IQCJ: variants seen among roughly 807,000 people sequenced by gnomAD.
The protein encoded by IQCJ is IQ motif containing J, also known as IQ domain-containing protein J.
Under a neutral mutation model 11.0 loss-of-function variants are expected in IQCJ, and 9 were observed. The ratio of observed to expected loss-of-function variants is 0.82; its 90% CI spans 0.49 to 1.43. IQCJ has a LOEUF of 1.43. Ranked by LOEUF, IQCJ falls within the 40% of genes most tolerant of loss-of-function variation. The pLI is 0.00. For synonymous variants in IQCJ, 55 were observed against 51.3 expected (o/e 1.07, Z -0.31); for missense variants, 146 against 133.2 (o/e 1.10, Z -0.47).
intron 1 of IQCJ, among the ~76,000 whole-genome samples, chr3:159,168,152 A>G (rs1301919345): frequency 6.6e-6 from 1 of 152,160 alleles, no homozygotes; most frequent in Non-Finnish European, 1.5e-5. Flanking sequence ...GTTTCAAAGT[A>G]CATCTGCAGA....
chr3:159,228,618 C>T (rs1726002419), intron 1 of IQCJ, among the ~76,000 whole-genome samples: 1 of 151,990 alleles, frequency 6.6e-6, no homozygotes, highest in South Asian at 2.1e-4. Flanking sequence ...GGTGAAACCT[C>T]GTCTCTACTA....
chr3:159,185,739 G>A (rs894659692), intron 1 of IQCJ, among the ~76,000 whole-genome samples: 1 of 152,198 alleles, frequency 6.6e-6, no homozygotes, highest in Middle Eastern at 3.4e-3. Context: ...TTCACTTGCT[G>A]GGGTGCTTCA....
chr3:159,163,658 C>A (rs1413378567), intron 1 of IQCJ, among the ~76,000 whole-genome samples: 1 of 152,196 alleles, frequency 6.6e-6, no homozygotes, highest in African/African-American at 2.4e-5. Flanking sequence ...AGCCACCATG[C>A]CCAGCCTCAT....
At chr3:159,144,640 GTACACACACA>G (rs200800340) in intron 1 of IQCJ, among the ~76,000 whole-genome samples, 4,579 of 124,640 alleles carry the variant, frequency 0.037, 308 homozygotes, top group East Asian at 0.29. Flanking sequence ...CTATCTAGAC[GTACACACACA>G]TACACACACA....
At chr3:159,125,412 A>G (rs750825060) in intron 1 of IQCJ, among the ~76,000 whole-genome samples, 1 of 152,206 alleles carries the variant, frequency 6.6e-6, no homozygotes, top group African/African-American at 2.4e-5. Context: ...AATGGACTTT[A>G]GGTAAAGACT....
chr3:159,234,719 T>A (rs948494717), intron 1 of IQCJ, among the ~76,000 whole-genome samples: 7 of 152,176 alleles, frequency 4.6e-5, no homozygotes, highest in African/African-American at 1.7e-4. Flanking sequence ...GAGAGAAGAA[T>A]CAAGGCCCTG....
intron 1 of IQCJ, among the ~76,000 whole-genome samples, chr3:159,149,286 G>A (rs966057832): frequency 2.6e-5 from 4 of 152,072 alleles, no homozygotes; most frequent in African/African-American, 4.8e-5. Context: ...TAAAAGGAAC[G>A]GCAGACTCCG....
intron 1 of IQCJ, among the ~76,000 whole-genome samples, chr3:159,209,756 G>C (rs924715655): frequency 4.6e-5 from 7 of 152,082 alleles, no homozygotes; most frequent in African/African-American, 1.4e-4. Flanking sequence ...AGCAAAACAA[G>C]CCACCTCTGT....
intron 1 of IQCJ, among the ~76,000 whole-genome samples, chr3:159,106,402 G>A (rs1254020500): frequency 6.6e-6 from 1 of 152,090 alleles, no homozygotes; most frequent in East Asian, 1.9e-4. Context: ...AGGAGTGAGG[G>A]AAGCTAGAGA....
chr3:159,142,757 G>A (rs762580768), intron 1 of IQCJ, among the ~76,000 whole-genome samples: 64 of 151,870 alleles, frequency 4.2e-4, no homozygotes, highest in Non-Finnish European at 6.5e-4. Flanking sequence ...TTTTATTTTT[G>A]GAACGTAATG....
chr3:159,214,501 A>T (rs1362095935), intron 1 of IQCJ, among the ~76,000 whole-genome samples: 2 of 152,174 alleles, frequency 1.3e-5, no homozygotes, highest in Non-Finnish European at 2.9e-5. Flanking sequence ...TTTCTAATCA[A>T]ATGAATGTTT....
At chr3:159,261,865 G>C (rs1475985726) in intron 3 of IQCJ, among the ~76,000 whole-genome samples, 1 of 152,230 alleles carries the variant, frequency 6.6e-6, no homozygotes, top group African/African-American at 2.4e-5. Context: ...TTAATTCTCT[G>C]AGTAGTACGT....
chr3:159,163,909 C>CAGGCAGAG (rs201640345), intron 1 of IQCJ, among the ~76,000 whole-genome samples: 2,763 of 152,228 alleles, frequency 0.018, 39 homozygotes, highest in Non-Finnish European at 0.03. Flanking sequence ...ATATGTGTAC[C>CAGGCAGAG]AGGCAGAGAG....
chr3:159,120,171 C>G (rs928578207), intron 1 of IQCJ, among the ~76,000 whole-genome samples: 25 of 152,138 alleles, frequency 1.6e-4, no homozygotes, highest in Non-Finnish European at 4.4e-5. Flanking sequence ...ATGCATACCC[C>G]CAGCAGTGCT....
intron 1 of IQCJ, among the ~76,000 whole-genome samples, chr3:159,186,111 G>T (rs915869487): frequency 6.6e-6 from 1 of 152,164 alleles, no homozygotes; most frequent in African/African-American, 2.4e-5. Context: ...AGGGGAGAGA[G>T]ACAATAAACA....
intron 1 of IQCJ, among the ~76,000 whole-genome samples, chr3:159,225,977 T>C (rs1725833536): frequency 6.6e-6 from 1 of 152,150 alleles, no homozygotes; most frequent in Non-Finnish European, 1.5e-5. Flanking sequence ...TGGTTTGCTA[T>C]AAAGAACACA....
At chr3:159,195,319 G>A (rs1560021260) in intron 1 of IQCJ, among the ~76,000 whole-genome samples, 1 of 152,162 alleles carries the variant, frequency 6.6e-6, no homozygotes, top group Non-Finnish European at 1.5e-5. Context: ...TCTCCAGCTG[G>A]TTATGTTAGA....
chr3:159,245,766 C>A, intron 1 of IQCJ, 77 bp from the exon 2 acceptor site: 1 of 1,269,608 alleles, frequency 7.9e-7, no homozygotes, highest in Non-Finnish European at 1.1e-6. Flanking sequence ...ATCAATTTTG[C>A]TAACAGTTAT....
chr3:159,112,896 A>G (rs1718725535), intron 1 of IQCJ, among the ~76,000 whole-genome samples: 1 of 152,202 alleles, frequency 6.6e-6, no homozygotes, highest in Non-Finnish European at 1.5e-5. Flanking sequence ...AATGGAGTAG[A>G]GACTACCAGC....
Sources: gnomAD v4.1 joint callset for allele counts (sites outside exome capture counted in the v4.1 genomes callset) on GRCh38, gnomAD v4.1.1 for gene constraint, MANE v1.5 for transcripts, NCBI Gene and HGNC (gene_info 2026-07-23, HGNC 2026-07-21) for gene names.